KLF12: variants seen among roughly 807,000 people sequenced by gnomAD.
KLF12 encodes Krueppel-like factor 12.
KLF12 carries 9 observed loss-of-function variants against 37.8 expected under a neutral mutation model. That is an observed-to-expected ratio of 0.24 (90% confidence interval 0.14 to 0.42). The LOEUF is 0.42. Ranked by LOEUF, KLF12 falls within the 10% of genes least tolerant of loss-of-function variation. KLF12 has a pLI of 1.00. For missense variants in KLF12, 411 were observed against 516.0 expected (o/e 0.80, Z 1.97); for synonymous variants, 208 against 202.1 (o/e 1.03, Z -0.25).
the KLF12 span, among the ~76,000 whole-genome samples, chr13:74,305,749 C>G: frequency 6.6e-6 from 1 of 152,062 alleles, no homozygotes; most frequent in Non-Finnish European, 1.5e-5. Context: ...CTATTTGCTG[C>G]TCTTTTCCTC....
At chr13:74,265,522 G>C in the KLF12 span, among the ~76,000 whole-genome samples, 8 of 152,268 alleles carry the variant, frequency 5.3e-5, no homozygotes, top group Non-Finnish European at 8.8e-5. Context: ...CTGAAGAAAA[G>C]AATATAAGTA....
At chr13:74,100,047 A>G (rs922962442) in intron 1 of KLF12, among the ~76,000 whole-genome samples, 1 of 152,104 alleles carries the variant, frequency 6.6e-6, no homozygotes, top group Admixed American at 6.6e-5. Flanking sequence ...TGTGGAGGGG[A>G]GAGAGAGCAC....
At chr13:74,043,164 C>T (rs1893453110) in intron 1 of KLF12, among the ~76,000 whole-genome samples, 1 of 152,168 alleles carries the variant, frequency 6.6e-6, no homozygotes, top group African/African-American at 2.4e-5. Context: ...AAGGGTCTAG[C>T]ACTGCTGAAG....
In KLF12 at chr13:73,695,584, G is replaced by T; in HGVS notation, c.1115C>A (p.Thr372Lys). The T allele has an allele frequency of 6.2e-7, 1 of 1,614,120 alleles. No individual in the cohort carries two copies. The highest frequency in any genetic ancestry group is 8.5e-7 in the Non-Finnish European group (1 of 1,179,964). The change falls in exon 8 of 8, where the codon ACG (threonine) becomes AAG (lysine). Residue 372 changes from threonine to lysine, a missense_variant. By Grantham distance (78) the Thr-to-Lys change is moderately conservative (BLOSUM62 -1). Around this residue, in one of 2 missense-constraint regions of KLF12, gnomAD observed 60 missense variants for 118.2 expected, o/e 0.51. Transcript: ENST00000377669. ...CGCGCACTTGAATGGCTTCACTCCC[G>T]TATGTTTGCGGTAATGCCTCGTCAG...
At chr13:73,894,533 A>T (rs902998692) in intron 3 of KLF12, among the ~76,000 whole-genome samples, 1 of 152,192 alleles carries the variant, frequency 6.6e-6, no homozygotes, top group Admixed American at 6.5e-5. Context: ...AGCATAGATA[A>T]TATTATTTAC....
intron 6 of KLF12, among the ~76,000 whole-genome samples, chr13:73,764,626 G>A (rs151332056): frequency 3.3e-5 from 5 of 152,054 alleles, no homozygotes; most frequent in Non-Finnish European, 7.4e-5. Flanking sequence ...GAAATATCTG[G>A]GTCTATGTAC....
At chr13:73,985,157 T>A (rs571831293) in intron 2 of KLF12, among the ~76,000 whole-genome samples, 1 of 152,366 alleles carries the variant, frequency 6.6e-6, no homozygotes, top group South Asian at 2.1e-4. Context: ...AGAGTCTTCA[T>A]GATTGCAGTC....
the KLF12 span, among the ~76,000 whole-genome samples, chr13:74,282,876 G>T: frequency 6.6e-6 from 1 of 152,064 alleles, no homozygotes; most frequent in East Asian, 1.9e-4. Context: ...GTTATATACT[G>T]GCTACATGAT....
intron 3 of KLF12, among the ~76,000 whole-genome samples, chr13:73,856,788 AGACCAGCCTCGTCAACATGGT>A: frequency 6.6e-6 from 1 of 152,214 alleles, no homozygotes; most frequent in South Asian, 2.1e-4. Flanking sequence ...CAGGAGTTCG[AGACCAGCCTCGTCAACATGGT>A]GAAACCGTCT....
At chr13:74,122,960 T>TAAAAAAA (rs58691841) in intron 1 of KLF12, among the ~76,000 whole-genome samples, 2 of 113,874 alleles carry the variant, frequency 1.8e-5, no homozygotes, top group African/African-American at 3.4e-5. Flanking sequence ...AACAGGTCAC[T>TAAAAAAA]AAAAAAAAAA....
chr13:74,175,112 AT>A, the KLF12 span, among the ~76,000 whole-genome samples: 4 of 152,200 alleles, frequency 2.6e-5, no homozygotes, highest in African/African-American at 9.6e-5. Flanking sequence ...TCTTGCTTCC[AT>A]AGCCCCTGCC....
chr13:73,771,100 T>A (rs1423621094), intron 5 of KLF12, among the ~76,000 whole-genome samples: 1 of 152,172 alleles, frequency 6.6e-6, no homozygotes. Flanking sequence ...GATTAGCTGA[T>A]GCTCAACTGT....
At chr13:74,086,546 T>C (rs1234768123) in intron 1 of KLF12, among the ~76,000 whole-genome samples, 1 of 152,170 alleles carries the variant, frequency 6.6e-6, no homozygotes, top group African/African-American at 2.4e-5. Context: ...GAGGAATCAC[T>C]AATATTTTAA....
chr13:74,050,475 A>G (rs7989171), intron 1 of KLF12, among the ~76,000 whole-genome samples: 109,626 of 152,002 alleles, frequency 0.72, 39,810 homozygotes, highest in East Asian at 0.91. Context: ...GGATGGTTAC[A>G]GGTAAGCCTG....
chr13:73,781,714 T>C (rs1880977045), intron 5 of KLF12, among the ~76,000 whole-genome samples: 1 of 152,172 alleles, frequency 6.6e-6, no homozygotes, highest in Non-Finnish European at 1.5e-5. Context: ...GTTCCTGAGA[T>C]AGTTGCAGAA....
chr13:74,119,414 C>T (rs889320497), intron 1 of KLF12, among the ~76,000 whole-genome samples: 1 of 150,918 alleles, frequency 6.6e-6, no homozygotes, highest in Non-Finnish European at 1.5e-5. Context: ...ACAAGCAGAC[C>T]CTGAGATAGC....
At chr13:73,741,518 G>C (rs777847924) in intron 6 of KLF12, among the ~76,000 whole-genome samples, 6 of 152,186 alleles carry the variant, frequency 3.9e-5, no homozygotes, top group Non-Finnish European at 8.8e-5. Flanking sequence ...TATTTTTACA[G>C]TTCTTAGGCC....
chr13:74,024,241 T>C (rs1387222350), intron 1 of KLF12, among the ~76,000 whole-genome samples: 3 of 152,326 alleles, frequency 2.0e-5, no homozygotes, highest in South Asian at 4.1e-4. Context: ...CACAGACAGA[T>C]ACATAATCAT....
intron 1 of KLF12, among the ~76,000 whole-genome samples, chr13:74,051,341 A>ACACACACAC (rs1872911332): frequency 2.6e-4 from 38 of 143,776 alleles, no homozygotes; most frequent in Non-Finnish European, 2.7e-4. Context: ...TACACACACA[A>ACACACACAC]ACACACACAC....
Sources: allele counts gnomAD v4.1 joint callset (sites outside exome capture counted in the v4.1 genomes callset), GRCh38; gene constraint gnomAD v4.1.1; regional missense constraint gnomAD v4.1.1; transcripts MANE v1.5; gene names NCBI Gene and HGNC (gene_info 2026-07-23, HGNC 2026-07-21).